The following ZNF521 variants were observed in gnomAD, a reference collection of about 807,000 sequenced individuals.
ZNF521 encodes LYST-interacting protein 3.
In ZNF521, 14 loss-of-function variants were observed where a neutral mutation model predicts 105.5. That is an observed-to-expected ratio of 0.13 (90% CI 0.09 to 0.21). ZNF521 has a LOEUF of 0.21. Ranked by LOEUF, ZNF521 falls within the 10% of genes least tolerant of loss-of-function variation. ZNF521 has a pLI of 1.00. For missense variants in ZNF521, 1,233 were observed against 1,629.7 expected (o/e 0.76, Z 4.19); for synonymous variants, 635 against 606.0 (o/e 1.05, Z -0.70).
intron 4 of ZNF521, among the ~76,000 whole-genome samples, chr18:25,209,932 C>T (rs377209047): frequency 6.6e-6 from 1 of 152,154 alleles, no homozygotes; most frequent in African/African-American, 2.4e-5. Context: ...TAAGACTAAA[C>T]TATGTTTTTT....
At chr18:25,338,983 T>G (rs1352687011) in intron 2 of ZNF521, among the ~76,000 whole-genome samples, 2 of 152,204 alleles carry the variant, frequency 1.3e-5, no homozygotes, top group Non-Finnish European at 2.9e-5. Flanking sequence ...TATTTGAAAG[T>G]TAACAGACTT....
chr18:25,345,980 ATC>A lies in ZNF521; in HGVS notation c.40+4925_40+4926del, dbSNP rs530533096. ...TTTGCCTGTACAATCATGAAAAAAA[ATC>A]TCTCTCTCTAATTTGTGTGTGTATG... On this transcript the variant is annotated intron_variant, in intron 2 of 7. Coordinates refer to ENST00000361524, the MANE Select transcript of ZNF521 (RefSeq NM_015461.3). Among the ~76,000 whole-genome samples the A allele has an allele frequency of 6.2e-4, 95 of 152,272 alleles. No homozygotes were observed. In the Middle Eastern group the frequency reaches 0.02, roughly 33 times the overall value.
At chr18:25,139,705 T>G (rs1222350393) in intron 5 of ZNF521, among the ~76,000 whole-genome samples, 1 of 152,166 alleles carries the variant, frequency 6.6e-6, no homozygotes, top group African/African-American at 2.4e-5. Context: ...CTAGTTTGAT[T>G]CCTTCAATCT....
At chr18:25,182,942 G>C (rs1218158915) in intron 5 of ZNF521, among the ~76,000 whole-genome samples, 1 of 152,052 alleles carries the variant, frequency 6.6e-6, no homozygotes, top group African/African-American at 2.4e-5. Context: ...CAGTAATGAA[G>C]TCAGCATCAT....
chr18:25,153,973 A>G (rs1245553764), intron 5 of ZNF521, among the ~76,000 whole-genome samples: 7 of 152,208 alleles, frequency 4.6e-5, no homozygotes, highest in African/African-American at 1.7e-4. Context: ...GGAATAGGGC[A>G]AAAGGAGAAG....
intron 5 of ZNF521, among the ~76,000 whole-genome samples, chr18:25,187,738 T>TG (rs2035751055): frequency 6.6e-6 from 1 of 152,334 alleles, no homozygotes; most frequent in African/African-American, 2.4e-5. Flanking sequence ...GCTTAAAGAC[T>TG]GCATTTAATT....
At position 25,227,095 on chromosome 18, in the gene ZNF521, T is replaced by C. The variant is rs137956787; in HGVS notation, c.823A>G (p.Asn275Asp). Residue 275 changes from asparagine (N) to aspartate (D), a missense_variant, in exon 4 of 8, where the codon AAT (asparagine) becomes GAT (aspartate). By Grantham distance (23) the Asn-to-Asp change is conservative. Transcript: ENST00000361524. This position sits in a 1 kb window ranked among gnomAD's most constrained non-coding sequence, Gnocchi z 5.7. ...CACTGGAGGGCCGCTCGGTCCTCAT[T>C]TGGGGAGCATTCGGGGTGGCACTCT... ...IAECHPECSP[N>D]EDRAALQCVY... is the part of the protein sequence containing the mutation. 30 of 1,613,872 alleles carry C rather than the reference T, an allele frequency of 1.9e-5. No homozygotes were observed. Among genetic ancestry groups the C allele is most frequent in the Non-Finnish European group, 2.5e-5 (29 of 1,179,980 alleles).
chr18:25,078,247 T>C (rs1599975433), intron 7 of ZNF521, among the ~76,000 whole-genome samples: 1 of 152,244 alleles, frequency 6.6e-6, no homozygotes, highest in African/African-American at 2.4e-5. Context: ...AGCCTCTTGC[T>C]GCGCAGATTC....
chr18:25,335,409 C>T (rs1913817398), intron 2 of ZNF521, among the ~76,000 whole-genome samples: 1 of 152,122 alleles, frequency 6.6e-6, no homozygotes, highest in African/African-American at 2.4e-5. Context: ...CCTCTCCTGT[C>T]CTCAAAACAC....
At chr18:25,303,944 A>T (rs1206600484) in intron 3 of ZNF521, among the ~76,000 whole-genome samples, 2 of 152,228 alleles carry the variant, frequency 1.3e-5, no homozygotes, top group African/African-American at 4.8e-5. Flanking sequence ...TCATTTTATA[A>T]TGAAGATAAT....
intron 3 of ZNF521, among the ~76,000 whole-genome samples, chr18:25,284,751 G>C (rs1204775366): frequency 6.6e-6 from 1 of 152,070 alleles, no homozygotes; most frequent in South Asian, 2.1e-4. Flanking sequence ...AAGTAACTGA[G>C]ACAGGTACAT....
chr18:25,085,193 A>AT, intron 7 of ZNF521, among the ~76,000 whole-genome samples: 1 of 151,228 alleles, frequency 6.6e-6, no homozygotes. Flanking sequence ...GAGAAAGGTT[A>AT]TATCTTGCTA....
At chr18:25,092,824 C>T (rs2033774658) in intron 5 of ZNF521, among the ~76,000 whole-genome samples, 1 of 152,022 alleles carries the variant, frequency 6.6e-6, no homozygotes, top group Non-Finnish European at 1.5e-5. Flanking sequence ...CATAACATTG[C>T]TATATAAAGT....
intron 2 of ZNF521, among the ~76,000 whole-genome samples, chr18:25,328,293 T>C (rs1913348717): frequency 6.6e-6 from 1 of 152,096 alleles, no homozygotes; most frequent in Admixed American, 6.5e-5. Flanking sequence ...ATCACAGATG[T>C]ACTGTTATCA....
chr18:25,349,340 A>T (rs1481685610), intron 2 of ZNF521, among the ~76,000 whole-genome samples: 1 of 152,006 alleles, frequency 6.6e-6, no homozygotes, highest in Non-Finnish European at 1.5e-5. Flanking sequence ...CGACACTTGG[A>T]TCTTTCAGGC....
At chr18:25,232,805 A>AT (rs947529280) in intron 3 of ZNF521, among the ~76,000 whole-genome samples, 3 of 151,772 alleles carry the variant, frequency 2.0e-5, no homozygotes, top group Non-Finnish European at 4.4e-5. Context: ...GATTCAGTAA[A>AT]TTTTTTTTTG....
intron 3 of ZNF521, among the ~76,000 whole-genome samples, chr18:25,288,458 T>C (rs1332131638): frequency 6.6e-6 from 1 of 152,080 alleles, no homozygotes; most frequent in East Asian, 1.9e-4. Context: ...TTAGCTTCCA[T>C]AGGGAAATTC....
chr18:25,121,695 AC>A (rs2034447380), intron 5 of ZNF521, among the ~76,000 whole-genome samples: 1 of 152,190 alleles, frequency 6.6e-6, no homozygotes, highest in Non-Finnish European at 1.5e-5. Context: ...AGGAGAAAGT[AC>A]TGGGTAGAGT....
Position 25,148,819 on chromosome 18 carries a change from T to C in ZNF521, c.3658+46341A>G, listed in dbSNP as rs181512777. Among the ~76,000 whole-genome samples the C allele has an allele frequency of 1.1e-3, 166 of 152,268 alleles. 2 individuals carry two copies. Among genetic ancestry groups the C allele is most frequent in the Middle Eastern group, 3.4e-3 (1 of 294 alleles). On this transcript the variant is annotated intron_variant, in intron 5 of 7. Coordinates refer to ENST00000361524, the MANE Select transcript of ZNF521 (RefSeq NM_015461.3). ...AGACATGATATTTTAATGCTTAACA[T>C]CAGAAATGCCTAAAAGATACAATTA... is the stretch of plus-strand genomic sequence containing the variant.
Sources: gnomAD v4.1 joint callset for allele counts (sites outside exome capture counted in the v4.1 genomes callset) on GRCh38, gnomAD v4.1.1 for gene constraint, Gnocchi (gnomAD v3.1) non-coding constraint, MANE v1.5 for transcripts, NCBI Gene and HGNC (gene_info 2026-07-23, HGNC 2026-07-21) for gene names.